The following TEX9 variants were observed in gnomAD, a reference collection of about 807,000 sequenced individuals.
TEX9 encodes testis-expressed protein 9.
A neutral mutation model predicts 59.6 loss-of-function variants in TEX9; 74 were observed. The ratio of observed to expected loss-of-function variants is 1.24; its 90% CI spans 1.03 to 1.51. The LOEUF (loss-of-function observed/expected upper bound fraction) is 1.51. TEX9 is among the 40% of genes most tolerant of loss of function. TEX9 has a pLI of 0.00. For synonymous variants in TEX9, 186 were observed against 152.2 expected, an observed-to-expected ratio of 1.22 and a Z score of -1.64; for missense variants, 522 against 447.8, an observed-to-expected ratio of 1.17 and a Z score of -1.49.
chr15:56,362,459 G>A (rs1230319296), upstream of TEX9, among the ~76,000 whole-genome samples: 7 of 152,018 alleles, frequency 4.6e-5, no homozygotes, highest in African/African-American at 1.2e-4. Context: ...TTAATATAGC[G>A]ACTCCAGCTT....
At chr15:56,254,179 C>T (rs1427249218) in intron 1 of TEX9, among the ~76,000 whole-genome samples, 3 of 151,948 alleles carry the variant, frequency 2.0e-5, no homozygotes, top group East Asian at 3.9e-4. Flanking sequence ...AGAAAAATGC[C>T]GTAAGTGTAT....
the TEX9 span, among the ~76,000 whole-genome samples, chr15:56,454,432 A>ATAC: frequency 2.0e-5 from 3 of 152,296 alleles, no homozygotes; most frequent in East Asian, 5.8e-4. Context: ...GTGCTATGAA[A>ATAC]TACTAGGTCC....
At chr15:56,273,567 A>T (rs1271035241) in intron 1 of TEX9, among the ~76,000 whole-genome samples, 2 of 152,184 alleles carry the variant, frequency 1.3e-5, no homozygotes, top group Admixed American at 6.5e-5. Context: ...AAAGTCTTTT[A>T]TCTTTGTCAT....
chr15:56,341,521 G>A (rs2046372209), intron 1 of TEX9, among the ~76,000 whole-genome samples: 1 of 152,098 alleles, frequency 6.6e-6, no homozygotes, highest in South Asian at 2.1e-4. Context: ...ATACTGATGT[G>A]TCATTGGTTG....
At chr15:56,443,482 C>A (rs776055702) in intron 12 of TEX9, 1 of 1,599,350 alleles carries the variant, frequency 6.3e-7, no homozygotes, top group Non-Finnish European at 8.5e-7. Context: ...TAATTCTTGT[C>A]GCACTTGTTC....
At chr15:56,345,392 A>C (rs2046451617) in intron 1 of TEX9, among the ~76,000 whole-genome samples, 1 of 152,176 alleles carries the variant, frequency 6.6e-6, no homozygotes, top group Non-Finnish European at 1.5e-5. Flanking sequence ...CTCATAATGT[A>C]TGCCTAAAGA....
chr15:56,385,096 G>T (rs147641558), intron 4 of TEX9, among the ~76,000 whole-genome samples: 1 of 152,260 alleles, frequency 6.6e-6, no homozygotes, highest in African/African-American at 2.4e-5. Flanking sequence ...AGCATTATTT[G>T]TTGAGAAGAC....
intron 9 of TEX9, among the ~76,000 whole-genome samples, chr15:56,400,653 C>T (rs142563000): frequency 9.4e-4 from 143 of 152,168 alleles, no homozygotes; most frequent in Non-Finnish European, 1.6e-3. Context: ...AGATACTCCT[C>T]GAGAAGAGCA....
At chr15:56,258,054 C>T (rs1448312799) in intron 1 of TEX9, among the ~76,000 whole-genome samples, 1 of 152,036 alleles carries the variant, frequency 6.6e-6, no homozygotes, top group Non-Finnish European at 1.5e-5. Context: ...GAATGCTTTC[C>T]CCATTGCTTG....
At chr15:56,286,361 C>T (rs2044953242) in intron 1 of TEX9, among the ~76,000 whole-genome samples, 1 of 152,076 alleles carries the variant, frequency 6.6e-6, no homozygotes, top group African/African-American at 2.4e-5. Context: ...TGAGGATAGG[C>T]GATGAAAATG....
In TEX9 at chr15:56,409,562, G is replaced by A. The variant is rs959177438; in HGVS notation, c.829-2740G>A. 2.0e-5 allele frequency among the ~76,000 whole-genome samples: 3 copies of A among 152,244 alleles called. No homozygotes were observed. In the East Asian group the frequency reaches 5.8e-4, roughly 29 times the overall value. ...GTTGCTCAGGCTGGAGTACAGTGGT[G>A]CAATCATGGCTTACTACAGCCTTGA... On this transcript the variant is annotated intron_variant, in intron 9 of 12. Transcript: ENST00000352903.
chr15:56,369,772 A>T (rs1237666527), intron 2 of TEX9, among the ~76,000 whole-genome samples: 1 of 152,146 alleles, frequency 6.6e-6, no homozygotes, highest in African/African-American at 2.4e-5. Context: ...TTTGTTGGCT[A>T]ATCTGTTTTA....
intron 1 of TEX9, among the ~76,000 whole-genome samples, chr15:56,280,400 T>G (rs2044786676): frequency 6.6e-6 from 1 of 152,130 alleles, no homozygotes; most frequent in Non-Finnish European, 1.5e-5. Context: ...AATATGTACA[T>G]TATGCAAGAA....
At chr15:56,415,976 T>A (rs1165917912) in intron 10 of TEX9, among the ~76,000 whole-genome samples, 1 of 151,768 alleles carries the variant, frequency 6.6e-6, no homozygotes, top group Non-Finnish European at 1.5e-5. Context: ...CTAGGTATTC[T>A]TTTTGTGGCA....
chr15:56,313,139 CCTT>C (rs1387070167), intron 1 of TEX9, among the ~76,000 whole-genome samples: 1 of 151,724 alleles, frequency 6.6e-6, no homozygotes, highest in East Asian at 1.9e-4. Context: ...CCCGTTATTC[CCTT>C]CTTCTGCCTA....
intron 2 of TEX9, among the ~76,000 whole-genome samples, chr15:56,371,141 C>T (rs1431082142): frequency 6.6e-6 from 1 of 152,216 alleles, no homozygotes; most frequent in Non-Finnish European, 1.5e-5. Context: ...AGCCACTGCA[C>T]CCAGGCCTCT....
intron 10 of TEX9, among the ~76,000 whole-genome samples, chr15:56,426,589 G>GTATATATA (rs71110391): frequency 0.02 from 474 of 24,168 alleles, 25 homozygotes; most frequent in Non-Finnish European, 0.048. Flanking sequence ...TTGAAAAGGT[G>GTATATATA]TATATATATA....
intron 1 of TEX9, among the ~76,000 whole-genome samples, chr15:56,292,232 G>A (rs1207465405): frequency 2.0e-5 from 3 of 152,150 alleles, no homozygotes; most frequent in South Asian, 2.1e-4. Flanking sequence ...CAGGGGTGGC[G>A]TCCTCTTACC....
intron 1 of TEX9, among the ~76,000 whole-genome samples, chr15:56,290,614 C>A (rs1485486768): frequency 6.6e-6 from 1 of 151,936 alleles, no homozygotes; most frequent in African/African-American, 2.4e-5. Flanking sequence ...ACAATCAATA[C>A]CAGCTAATTT....
Sources: gnomAD v4.1 joint callset for allele counts (sites outside exome capture counted in the v4.1 genomes callset) on GRCh38, gnomAD v4.1.1 for gene constraint, MANE v1.5 for transcripts, NCBI Gene and HGNC (gene_info 2026-07-23, HGNC 2026-07-21) for gene names.